The following RPS6KA3 variants were observed in gnomAD, a reference collection of about 807,000 sequenced individuals.
The protein encoded by RPS6KA3 is ribosomal protein S6 kinase A3.
RPS6KA3 carries 4 observed loss-of-function variants against 67.2 expected under a neutral mutation model. That is an observed-to-expected ratio of 0.06 (90% CI 0.03 to 0.14). The LOEUF is 0.14. Ranked by LOEUF, RPS6KA3 falls within the 10% of genes least tolerant of loss-of-function variation. The pLI is 1.00. For synonymous variants in RPS6KA3, 182 were observed against 183.7 expected, an observed-to-expected ratio of 0.99 and a Z score of 0.07; for missense variants, 204 against 559.0, an observed-to-expected ratio of 0.36 and a Z score of 6.40.
At chrX:20,199,950 AG>A (rs768325898) in intron 4 of RPS6KA3, among the ~76,000 whole-genome samples, 260 of 112,529 alleles carry the variant, frequency 2.3e-3, no homozygotes, top group South Asian at 0.016. Flanking sequence ...GGTAGAATAA[AG>A]CCATTTCCAG....
rs748138729 is a variant in RPS6KA3, at chrX:20,161,848, A to G, written c.1842-87T>C. The G allele has an allele frequency of 4.1e-5, 10 of 245,380 alleles. No homozygotes were observed. In the South Asian group the frequency reaches 1.1e-3, roughly 27 times the overall value. The allele number at this position is 245,380 out of a possible 1,213,427, so 20.2% of individuals were successfully genotyped here. On this transcript the variant is annotated intron_variant, in intron 19 of 21. Coordinates refer to ENST00000379565, the MANE Select transcript of RPS6KA3 (RefSeq NM_004586.3). ...AAAGTACTCTAATTCAGTTAATGTA[A>G]TATTTTATTAAAATCTACCAAAGTG...
chrX:20,244,908 G>T (rs1229195794), intron 1 of RPS6KA3, among the ~76,000 whole-genome samples: 2 of 111,898 alleles, frequency 1.8e-5, no homozygotes, highest in African/African-American at 6.5e-5. Flanking sequence ...TCCTAAAAGG[G>T]ATTTCTTTAA....
chrX:20,233,444 A>C (rs2069325302), intron 2 of RPS6KA3, among the ~76,000 whole-genome samples: 2 of 111,452 alleles, frequency 1.8e-5, no homozygotes, highest in Non-Finnish European at 3.8e-5. Flanking sequence ...CCACTTAAAA[A>C]AGAGGTAGAT....
intron 1 of RPS6KA3, chrX:20,265,644 G>A (rs1301928054): frequency 8.9e-6 from 1 of 111,914 alleles, no homozygotes; most frequent in Non-Finnish European, 1.9e-5. Flanking sequence ...GAGGAGCGGT[G>A]ATACCTTGGA....
chrX:20,209,248 G>A (rs1208659373), intron 3 of RPS6KA3, 40 bp downstream of exon 3: 5 of 751,102 alleles, frequency 6.7e-6, no homozygotes, highest in Admixed American at 2.2e-5. Flanking sequence ...CATATGAATT[G>A]AAAAGACAAC....
At chrX:20,158,505 C>T (rs2067239984) in intron 20 of RPS6KA3, among the ~76,000 whole-genome samples, 1 of 109,229 alleles carries the variant, frequency 9.2e-6, no homozygotes, top group Admixed American at 9.9e-5. Flanking sequence ...TGCTATGAGA[C>T]ATTTATGGTT....
intron 1 of RPS6KA3, chrX:20,265,879 T>C (rs758822450): frequency 9.1e-6 from 1 of 110,368 alleles, no homozygotes; most frequent in South Asian, 3.9e-4. Context: ...TCCTTGAATA[T>C]CACCCTCTCA....
At chrX:20,176,182 T>C in intron 13 of RPS6KA3, 68 bp downstream of exon 13, 7 of 776,120 alleles carry the variant, frequency 9.0e-6, no homozygotes, top group Non-Finnish European at 1.4e-5. Flanking sequence ...CTGGAAAAGA[T>C]TTTCTGATGA....
At position 20,172,739 on chromosome X, in the gene RPS6KA3, A is replaced by G. The variant is rs1366802897; in HGVS notation, c.1353+7T>C. 2 of 1,177,883 alleles carry G rather than the reference A, an allele frequency of 1.7e-6. No homozygotes were observed. Among genetic ancestry groups the G allele is most frequent in the African/African-American group, 3.5e-5 (2 of 56,545 alleles). On this transcript the variant is annotated splice_region_variant and intron_variant, in intron 15 of 21. Transcript: ENST00000379565. ...TATGAATTGCATTTTAAATAAAAAA[A>G]ATTTACCTTCACTGCAAACTCCATG...
rs2148622439 is a variant in RPS6KA3, at chrX:20,155,399, C to T, written c.2222G>A (p.Ter741=). The T allele has an allele frequency of 8.3e-7, 1 of 1,210,980 alleles. No individual in the cohort carries two copies. Among genetic ancestry groups the T allele is most frequent in the East Asian group, 3.0e-5 (1 of 33,828 alleles). The change falls in exon 22 of 22, where the codon TGA becomes TAA. Residue 741 remains the stop codon, a stop_retained_variant. Coordinates refer to ENST00000379565, the MANE Select transcript of RPS6KA3 (RefSeq NM_004586.3). The stretch of plus-strand genomic sequence containing the variant: ...ACCAAATATCTCACTGAGGTCACTT[C>T]ACAGGGCTGTTGAGGTGATTTTTTT... ...GIKKITSTAL[*] is the part of the protein sequence containing the mutation.
At position 20,155,264 on chromosome X, in the gene RPS6KA3, G is replaced by T; in HGVS notation, c.*134C>A. 1.4e-6 allele frequency: 1 copy of T among 696,121 alleles called. No individual in the cohort carries two copies. Among genetic ancestry groups the T allele is most frequent in the Non-Finnish European group, 2.3e-6 (1 of 432,039 alleles). The allele number at this position is 696,121 out of a possible 1,213,427, so 57.4% of individuals were successfully genotyped here. Reference sequence around the variant, plus strand: ...AGAAGAGAGGAAAGCAGGAGCAGCAGCAGGAACAGCAGCATTATGGGTACC... The same window carrying T: ...AGAAGAGAGGAAAGCAGGAGCAGCATCAGGAACAGCAGCATTATGGGTACC... On this transcript the variant is annotated 3_prime_UTR_variant, in exon 22 of 22. Transcript: ENST00000379565.
intron 1 of RPS6KA3, among the ~76,000 whole-genome samples, chrX:20,237,597 T>C (rs1301361738): frequency 9.0e-6 from 1 of 111,230 alleles, no homozygotes; most frequent in Non-Finnish European, 1.9e-5. Flanking sequence ...CTGTTCAAAA[T>C]AAGGATACTT....
intron 2 of RPS6KA3, among the ~76,000 whole-genome samples, chrX:20,229,832 A>G (rs2069216185): frequency 8.9e-6 from 1 of 111,995 alleles, no homozygotes; most frequent in South Asian, 3.7e-4. Context: ...AGTCTCATCC[A>G]CATTGCTGGT....
chrX:20,225,123 T>C (rs756770817), intron 2 of RPS6KA3, among the ~76,000 whole-genome samples: 1 of 110,409 alleles, frequency 9.1e-6, no homozygotes, highest in South Asian at 3.9e-4. Context: ...ATGAGATCAC[T>C]GAAACTGAAG....
At position 20,192,592 on chromosome X, in the gene RPS6KA3, CTTTTTTT is replaced by C. The variant is rs1159974637; in HGVS notation, c.593+888_593+894del. 7.0e-4 allele frequency among the ~76,000 whole-genome samples: 32 copies of C among 45,393 alleles called. 1 individual carries two copies. Among genetic ancestry groups the C allele is most frequent in the South Asian group, 3.8e-3 (3 of 794 alleles). The allele number at this position is 45,393 out of a possible 115,157, so 39.4% of individuals were successfully genotyped here. ...AAGACTGGAAAAAAATGTAAATTTT[CTTTTTTT>C]TTTTTTTTTTTTTTTTTTGAGACAG... is the stretch of plus-strand genomic sequence containing the variant. On this transcript the variant is annotated intron_variant, in intron 7 of 21. Transcript: ENST00000379565.
At chrX:20,238,765 G>A (rs1012445074) in intron 1 of RPS6KA3, among the ~76,000 whole-genome samples, 6 of 111,161 alleles carry the variant, frequency 5.4e-5, no homozygotes, top group Admixed American at 9.5e-5. Flanking sequence ...CTACATACCA[G>A]TGCAGCTTTA....
intron 1 of RPS6KA3, among the ~76,000 whole-genome samples, chrX:20,246,342 A>C (rs1427172430): frequency 9.1e-6 from 1 of 110,402 alleles, no homozygotes; most frequent in Non-Finnish European, 1.9e-5. Flanking sequence ...CTGGGTGTTT[A>C]GGAGGTGTCA....
intron 2 of RPS6KA3, among the ~76,000 whole-genome samples, chrX:20,219,211 A>T (rs1462367636): frequency 8.9e-6 from 1 of 112,146 alleles, no homozygotes; most frequent in Admixed American, 9.5e-5. Context: ...AAATGCCAGA[A>T]TTTCTTAACT....
intron 5 of RPS6KA3, among the ~76,000 whole-genome samples, chrX:20,194,651 C>T (rs1392278404): frequency 9.0e-6 from 1 of 111,131 alleles, no homozygotes; most frequent in East Asian, 2.8e-4. Flanking sequence ...CACACCTTTA[C>T]CCACTGAGAA....
Sources: gnomAD v4.1 joint callset for allele counts (sites outside exome capture counted in the v4.1 genomes callset) on GRCh38, gnomAD v4.1.1 for gene constraint, MANE v1.5 for transcripts, NCBI Gene and HGNC (gene_info 2026-07-23, HGNC 2026-07-21) for gene names.